The following CPQ variants were observed in gnomAD, a reference collection of about 807,000 sequenced individuals.
CPQ encodes Ser-Met dipeptidase.
A neutral mutation model predicts 45.7 loss-of-function variants in CPQ; 37 were observed. The observed-to-expected ratio is 0.81, with a 90% CI of 0.62 to 1.07. The LOEUF (loss-of-function observed/expected upper bound fraction) is 1.07. Ranked by LOEUF, CPQ falls within the 50% of genes least tolerant of loss-of-function variation. The pLI is 0.00. For missense variants in CPQ, 537 were observed against 572.9 expected (o/e 0.94, Z 0.64); for synonymous variants, 186 against 205.8 (o/e 0.90, Z 0.82).
intron 1 of CPQ, among the ~76,000 whole-genome samples, chr8:96,755,403 A>G (rs1448401432): frequency 6.6e-6 from 1 of 151,836 alleles, no homozygotes; most frequent in Non-Finnish European, 1.5e-5. Context: ...TTATTTTAAA[A>G]TAGAATTTGC....
chr8:96,712,176 C>T (rs1303757426), intron 1 of CPQ, among the ~76,000 whole-genome samples: 1 of 152,206 alleles, frequency 6.6e-6, no homozygotes, highest in Non-Finnish European at 1.5e-5. Context: ...AGGTGGACAT[C>T]CATGGTCTTG....
chr8:97,007,206 A>G (rs1157027783), intron 5 of CPQ, among the ~76,000 whole-genome samples: 2 of 151,922 alleles, frequency 1.3e-5, no homozygotes, highest in Non-Finnish European at 2.9e-5. Context: ...AGGGAGACAT[A>G]CTCCTCTATT....
At chr8:96,766,089 T>C (rs570694301) in intron 1 of CPQ, among the ~76,000 whole-genome samples, 1 of 152,290 alleles carries the variant, frequency 6.6e-6, no homozygotes, top group African/African-American at 2.4e-5. Flanking sequence ...TCTATGACAA[T>C]GAGCAAATCA....
chr8:97,124,220 CG>C (rs1464109929), intron 7 of CPQ, among the ~76,000 whole-genome samples: 7 of 94,526 alleles, frequency 7.4e-5, no homozygotes, highest in African/African-American at 2.7e-4. Context: ...AGCAAGACTC[CG>C]TCTCAAAAAA....
At chr8:97,034,503 GCTTT>G (rs1809962805) in intron 6 of CPQ, among the ~76,000 whole-genome samples, 1 of 152,134 alleles carries the variant, frequency 6.6e-6, no homozygotes. Flanking sequence ...TATTGTTTGT[GCTTT>G]ATTTAGAAGC....
intron 4 of CPQ, among the ~76,000 whole-genome samples, chr8:96,957,443 A>T (rs1264117525): frequency 6.6e-6 from 1 of 152,012 alleles, no homozygotes. Flanking sequence ...AAGCACCTTG[A>T]CTCCCATTTT....
chr8:96,763,303 A>G (rs1810428435), intron 1 of CPQ, among the ~76,000 whole-genome samples: 1 of 152,120 alleles, frequency 6.6e-6, no homozygotes, highest in Non-Finnish European at 1.5e-5. Context: ...TTTTTTTCCC[A>G]TATGGATATT....
intron 1 of CPQ, among the ~76,000 whole-genome samples, chr8:96,727,730 G>A (rs904774890): frequency 6.6e-6 from 1 of 152,078 alleles, no homozygotes; most frequent in African/African-American, 2.4e-5. Context: ...GAGCACTAAT[G>A]AGTGACTCAG....
At chr8:96,720,479 T>C (rs1239593299) in intron 1 of CPQ, among the ~76,000 whole-genome samples, 2 of 152,222 alleles carry the variant, frequency 1.3e-5, no homozygotes, top group Non-Finnish European at 2.9e-5. Context: ...GGCATGGTTT[T>C]ATGCTTTGCT....
intron 1 of CPQ, among the ~76,000 whole-genome samples, chr8:96,661,874 A>C (rs1815705704): frequency 6.6e-6 from 1 of 152,234 alleles, no homozygotes; most frequent in Non-Finnish European, 1.5e-5. Flanking sequence ...ACTATTTTCC[A>C]AAGTGGGTGC....
intron 4 of CPQ, among the ~76,000 whole-genome samples, chr8:96,886,587 C>T (rs748605081): frequency 4.6e-5 from 7 of 152,186 alleles, no homozygotes; most frequent in Non-Finnish European, 7.3e-5. Flanking sequence ...AGTACAAACT[C>T]TATGACTTTC....
chr8:96,950,066 T>C (rs187983195), intron 4 of CPQ, among the ~76,000 whole-genome samples: 94 of 152,280 alleles, frequency 6.2e-4, no homozygotes, highest in African/African-American at 2.1e-3. Context: ...TTAAAGCATA[T>C]TTCTGTCCTA....
chr8:96,784,792 C>T, intron 1 of CPQ, 72 bp from the exon 2 acceptor site: 1 of 1,130,508 alleles, frequency 8.8e-7, no homozygotes, highest in Non-Finnish European at 1.3e-6. Context: ...GCTTGAAAAG[C>T]AATCCCTGGG....
chr8:96,894,244 A>G (rs182023308), intron 4 of CPQ, among the ~76,000 whole-genome samples: 1 of 152,318 alleles, frequency 6.6e-6, no homozygotes, highest in Non-Finnish European at 1.5e-5. Context: ...CCACCCAGCT[A>G]TGCCACTCCC....
intron 7 of CPQ, among the ~76,000 whole-genome samples, chr8:97,099,218 C>T (rs1258377513): frequency 6.7e-6 from 1 of 148,610 alleles, no homozygotes; most frequent in Admixed American, 6.8e-5. Context: ...GCAACATCCA[C>T]CTCCCAGATT....
intron 7 of CPQ, among the ~76,000 whole-genome samples, chr8:97,120,610 G>C (rs544394372): frequency 4.8e-4 from 73 of 152,318 alleles, no homozygotes; most frequent in South Asian, 8.3e-4. Flanking sequence ...TGCTAACCTG[G>C]ATGGAAAGAT....
intron 4 of CPQ, among the ~76,000 whole-genome samples, chr8:96,900,799 A>G (rs182833326): frequency 1.3e-5 from 2 of 152,210 alleles, no homozygotes; most frequent in East Asian, 3.9e-4. Flanking sequence ...ACTGACACAT[A>G]CTACTCATTT....
At chr8:97,045,666 G>C (rs1006062288) in intron 6 of CPQ, among the ~76,000 whole-genome samples, 1 of 152,144 alleles carries the variant, frequency 6.6e-6, no homozygotes, top group African/African-American at 2.4e-5. Context: ...ATTATTTTCT[G>C]GGAGAGAGGC....
intron 4 of CPQ, among the ~76,000 whole-genome samples, chr8:96,932,658 G>A (rs1812990468): frequency 6.6e-6 from 1 of 152,144 alleles, no homozygotes; most frequent in Non-Finnish European, 1.5e-5. Flanking sequence ...TGGTCCTCCT[G>A]TCTTTCAAAA....
Sources: allele counts gnomAD v4.1 joint callset (sites outside exome capture counted in the v4.1 genomes callset), GRCh38; gene constraint gnomAD v4.1.1; transcripts MANE v1.5; gene names NCBI Gene and HGNC (gene_info 2026-07-23, HGNC 2026-07-21).